Variants in GPC6 observed in about 807,000 individuals in gnomAD.
The protein encoded by GPC6 is glypican 6.
Under a neutral mutation model 55.2 loss-of-function variants are expected in GPC6, and 14 were observed. That is an observed-to-expected ratio of 0.25 (90% CI 0.17 to 0.40). The LOEUF (loss-of-function observed/expected upper bound fraction) is 0.40, where lower values mean the gene tolerates loss of function less well. Among genes scored for constraint, GPC6 ranks in the 10% least tolerant of loss-of-function variants. The pLI is 1.00. For missense variants in GPC6, 641 were observed against 708.5 expected (o/e 0.90, Z 1.08); for synonymous variants, 278 against 259.6 (o/e 1.07, Z -0.68).
intron 4 of GPC6, among the ~76,000 whole-genome samples, chr13:94,125,199 G>A (rs1886762831): frequency 6.6e-6 from 1 of 152,054 alleles, no homozygotes; most frequent in South Asian, 2.1e-4. Context: ...AGATAGTTAT[G>A]TAAATTTCTA....
At chr13:94,264,393 G>A (rs1258226560) in intron 4 of GPC6, among the ~76,000 whole-genome samples, 3 of 152,198 alleles carry the variant, frequency 2.0e-5, no homozygotes, top group Admixed American at 2.0e-4. Context: ...CAAGATCCTG[G>A]AGTTGGAAGT....
intron 1 of GPC6, among the ~76,000 whole-genome samples, chr13:93,345,919 A>G (rs1174065185): frequency 6.6e-6 from 1 of 152,218 alleles, no homozygotes; most frequent in Non-Finnish European, 1.5e-5. Context: ...TCAGTGAGGT[A>G]AAGAAAAGTT....
At chr13:94,056,788 T>C (rs368896029) in intron 4 of GPC6, among the ~76,000 whole-genome samples, 1 of 152,240 alleles carries the variant, frequency 6.6e-6, no homozygotes, top group Middle Eastern at 3.4e-3. Flanking sequence ...ATCTGAGGGG[T>C]CATGTAGTTA....
intron 4 of GPC6, among the ~76,000 whole-genome samples, chr13:94,146,013 A>G (rs1228675240): frequency 6.6e-6 from 1 of 152,236 alleles, no homozygotes; most frequent in African/African-American, 2.4e-5. Flanking sequence ...AAAGGATCAG[A>G]TGAATAATTT....
At chr13:94,234,252 T>C (rs2139017052) in intron 4 of GPC6, among the ~76,000 whole-genome samples, 1 of 152,266 alleles carries the variant, frequency 6.6e-6, no homozygotes, top group East Asian at 1.9e-4. Context: ...GAAGTTTCTG[T>C]GAGAAAAGGG....
chr13:93,297,013 C>T (rs1320540301), intron 1 of GPC6, among the ~76,000 whole-genome samples: 1 of 152,126 alleles, frequency 6.6e-6, no homozygotes, highest in African/African-American at 2.4e-5. Flanking sequence ...AGCTGAGTCA[C>T]GTGTAGGCTG....
At chr13:94,021,773 A>G (rs534304685) in intron 3 of GPC6, among the ~76,000 whole-genome samples, 2 of 152,198 alleles carry the variant, frequency 1.3e-5, no homozygotes, top group South Asian at 4.1e-4. Context: ...ATAATAATGT[A>G]TGTCAATCAT....
chr13:93,220,487 A>G, the GPC6 span, among the ~76,000 whole-genome samples: 3 of 152,224 alleles, frequency 2.0e-5, no homozygotes, highest in Admixed American at 6.5e-5. Flanking sequence ...TAACTACAAA[A>G]ATGCAAGTTT....
chr13:94,007,653 G>C (rs373563223), intron 3 of GPC6, among the ~76,000 whole-genome samples: 1 of 151,998 alleles, frequency 6.6e-6, no homozygotes, highest in African/African-American at 2.4e-5. Context: ...ATTTTATTAA[G>C]TAAAAACAAT....
In GPC6 at chr13:94,118,721, T is replaced by A. The variant is rs150389370; in HGVS notation, c.877+90827T>A. 3.6e-3 allele frequency among the ~76,000 whole-genome samples: 549 copies of A among 152,264 alleles called. 2 individuals are homozygous for A. Among genetic ancestry groups the A allele is most frequent in the Middle Eastern group, 0.01 (3 of 294 alleles). On this transcript the variant is annotated intron_variant, in intron 4 of 8. Coordinates refer to ENST00000377047, the MANE Select transcript of GPC6 (RefSeq NM_005708.5). Reference sequence around the variant, plus strand: ...TTAGCTATAGCCACCTTTCTTGAACTAGTTTAAGTTCCTGCCTTGATTTCC... The same window carrying A: ...TTAGCTATAGCCACCTTTCTTGAACAAGTTTAAGTTCCTGCCTTGATTTCC...
intron 2 of GPC6, among the ~76,000 whole-genome samples, chr13:93,621,441 C>G (rs3956362): frequency 0.18 from 27,061 of 152,074 alleles, 3,109 homozygotes; most frequent in Non-Finnish European, 0.26. Context: ...CTTGTGGTAG[C>G]CATGTTTCTC....
intron 1 of GPC6, among the ~76,000 whole-genome samples, chr13:93,482,036 C>T (rs1308271298): frequency 6.6e-6 from 1 of 152,104 alleles, no homozygotes; most frequent in African/African-American, 2.4e-5. Flanking sequence ...GTCTTGTGAT[C>T]CATGATCATG....
intron 1 of GPC6, among the ~76,000 whole-genome samples, chr13:93,512,317 A>G (rs887134223): frequency 6.6e-6 from 1 of 152,072 alleles, no homozygotes; most frequent in Admixed American, 6.6e-5. Flanking sequence ...TGTGTTTGTC[A>G]TATATGGCCT....
intron 2 of GPC6, among the ~76,000 whole-genome samples, chr13:93,723,434 G>A (rs569837087): frequency 9.9e-5 from 15 of 152,070 alleles, no homozygotes; most frequent in African/African-American, 3.4e-4. Flanking sequence ...AATGAAGGAT[G>A]TACAGCAAAA....
intron 2 of GPC6, among the ~76,000 whole-genome samples, chr13:93,547,185 A>C (rs923471467): frequency 2.0e-5 from 3 of 148,898 alleles, no homozygotes; most frequent in African/African-American, 7.3e-5. Flanking sequence ...AAAAAAAAAA[A>C]AAAAAAAAAA....
intron 1 of GPC6, among the ~76,000 whole-genome samples, chr13:93,345,796 G>A (rs536342676): frequency 1.3e-4 from 20 of 152,160 alleles, no homozygotes; most frequent in Admixed American, 5.2e-4. Flanking sequence ...ATTTTACCAC[G>A]TCTTGTTTGG....
chr13:94,073,279 A>G (rs1176476904), intron 4 of GPC6, among the ~76,000 whole-genome samples: 1 of 152,224 alleles, frequency 6.6e-6, no homozygotes, highest in Non-Finnish European at 1.5e-5. Flanking sequence ...AGATGAAAGC[A>G]GTGCAGTCAT....
chr13:93,364,714 T>TAC, intron 1 of GPC6, among the ~76,000 whole-genome samples: 1 of 151,112 alleles, frequency 6.6e-6, no homozygotes, highest in South Asian at 2.1e-4. Flanking sequence ...CACATATATA[T>TAC]ACACACACAT....
chr13:93,854,103 G>A (rs1204127183), intron 3 of GPC6, among the ~76,000 whole-genome samples: 1 of 151,458 alleles, frequency 6.6e-6, no homozygotes, highest in Non-Finnish European at 1.5e-5. Flanking sequence ...GCAAAGGTTG[G>A]GGTGTTTCTT....
Sources: gnomAD v4.1 joint callset for allele counts (sites outside exome capture counted in the v4.1 genomes callset) on GRCh38, gnomAD v4.1.1 for gene constraint, MANE v1.5 for transcripts, NCBI Gene and HGNC (gene_info 2026-07-23, HGNC 2026-07-21) for gene names.